Variants in SPATA7 observed in about 807,000 individuals in gnomAD.
SPATA7 encodes spermatogenesis-associated protein 7.
In SPATA7, 43 loss-of-function variants were observed where a neutral mutation model predicts 51.8. The ratio of observed to expected loss-of-function variants is 0.83; its 90% CI spans 0.65 to 1.07. The LOEUF (loss-of-function observed/expected upper bound fraction) is 1.07. Among genes scored for constraint, SPATA7 ranks in the 50% least tolerant of loss-of-function variants. The pLI is 0.00. For synonymous variants in SPATA7, 230 were observed against 252.8 expected (o/e 0.91, Z 0.86); for missense variants, 683 against 701.3 (o/e 0.97, Z 0.30).
At chr14:88,438,844 C>T (rs1288573194), downstream of SPATA7, among the ~76,000 whole-genome samples, 1 of 152,178 alleles carries the variant, frequency 6.6e-6, no homozygotes, top group Non-Finnish European at 1.5e-5. Flanking sequence ...TTAAGGATAT[C>T]AGGAAAACCA....
At chr14:88,392,737 T>C (rs749135703) in intron 2 of SPATA7, among the ~76,000 whole-genome samples, 12 of 152,180 alleles carry the variant, frequency 7.9e-5, no homozygotes, top group Non-Finnish European at 1.8e-4. Context: ...TCAAAAACTG[T>C]TTTTAATGTT....
At position 88,416,835 on chromosome 14, in the gene SPATA7, C is replaced by T. The variant is rs1595242679; in HGVS notation, c.363C>T (p.Thr121=). The change falls in exon 5 of 12, where the codon ACC becomes ACT. Residue 121 remains threonine (T), a synonymous_variant. Coordinates refer to ENST00000393545, the MANE Select transcript of SPATA7 (RefSeq NM_018418.5). ...YKNNSKSLFN[T]LQKPSGEPQI... ...ATAATTCCAAGTCACTTTTTAATAC[C>T]TTACAAAAGGTAAGATAGTATTTTT... is the stretch of plus-strand genomic sequence containing the variant. 6.3e-7 allele frequency: 1 copy of T among 1,591,264 alleles called. No individual in the cohort carries two copies. Among genetic ancestry groups the T allele is most frequent in the East Asian group, 2.2e-5 (1 of 44,664 alleles).
At chr14:88,450,088 A>G (rs1420184537) in intron 3 of SPATA7, among the ~76,000 whole-genome samples, 1 of 151,984 alleles carries the variant, frequency 6.6e-6, no homozygotes, top group Admixed American at 6.6e-5. Context: ...CATCTCCTCT[A>G]GGTTTTCTAG....
chr14:88,409,494 G>A (rs1188731791), intron 4 of SPATA7, among the ~76,000 whole-genome samples: 3 of 151,450 alleles, frequency 2.0e-5, no homozygotes, highest in Non-Finnish European at 4.4e-5. Context: ...TTCTTTATTA[G>A]TCTGGCTAGT....
intron 4 of SPATA7, among the ~76,000 whole-genome samples, chr14:88,398,478 G>A (rs956524021): frequency 1.7e-5 from 2 of 118,626 alleles, no homozygotes; most frequent in Non-Finnish European, 1.7e-5. Flanking sequence ...GGGGACTGTT[G>A]TGGGGTGGGG....
chr14:88,458,673 C>T (rs1000817623), downstream of SPATA7, among the ~76,000 whole-genome samples: 5 of 152,040 alleles, frequency 3.3e-5, no homozygotes, highest in Admixed American at 1.3e-4. Context: ...TTTCAAAAAA[C>T]GAGCCCCTGG....
At chr14:88,396,234 T>A (rs748863676) in intron 4 of SPATA7, 31 bp downstream of exon 4, 4 of 1,523,238 alleles carry the variant, frequency 2.6e-6, no homozygotes, top group South Asian at 1.1e-5. Context: ...ATTACCTTTT[T>A]AAAAAAAAAT....
intron 4 of SPATA7, chr14:88,468,172 G>T: frequency 6.2e-7 from 1 of 1,613,798 alleles, no homozygotes; most frequent in Non-Finnish European, 8.5e-7. Flanking sequence ...AACTGGATGA[G>T]GACTCTGTAC....
At chr14:88,436,643 G>A (rs754941726) in intron 10 of SPATA7, among the ~76,000 whole-genome samples, 1 of 151,998 alleles carries the variant, frequency 6.6e-6, no homozygotes, top group Non-Finnish European at 1.5e-5. Flanking sequence ...TTTGCATATG[G>A]GTATCCAGTT....
chr14:88,405,620 A>G (rs1167622951), intron 4 of SPATA7, among the ~76,000 whole-genome samples: 1 of 152,234 alleles, frequency 6.6e-6, no homozygotes, highest in Non-Finnish European at 1.5e-5. Context: ...GACTTCCAAG[A>G]CTTAGAACCT....
At chr14:88,399,249 C>A (rs964433728) in intron 4 of SPATA7, among the ~76,000 whole-genome samples, 4 of 151,926 alleles carry the variant, frequency 2.6e-5, no homozygotes, top group Non-Finnish European at 4.4e-5. Context: ...AAGTAACTAC[C>A]AGCTATAGGT....
Position 88,385,737 on chromosome 14 carries a change from C to T in SPATA7, c.-82C>T. ...CCGTCGGCTCCTCTTTTCCAGTCCT[C>T]CACTGCCGGGGCTGGGCCCGGCCGC... is the stretch of plus-strand genomic sequence containing the variant. On this transcript the variant is annotated 5_prime_UTR_variant, in exon 1 of 12. Coordinates refer to ENST00000393545, the MANE Select transcript of SPATA7 (RefSeq NM_018418.5). 7.2e-6 allele frequency: 10 copies of T among 1,383,756 alleles called. No homozygotes were observed. Among genetic ancestry groups the T allele is most frequent in the Non-Finnish European group, 8.1e-6 (8 of 989,322 alleles). 85.7% of individuals were successfully genotyped at this position (1,383,756 alleles called of 1,614,324 possible). A position where few individuals can be genotyped will look rare whatever the true frequency, so the allele number is the denominator to read the frequency against.
At chr14:88,395,574 A>C (rs1027658259) in intron 3 of SPATA7, among the ~76,000 whole-genome samples, 5 of 152,056 alleles carry the variant, frequency 3.3e-5, no homozygotes, top group Admixed American at 1.3e-4. Flanking sequence ...ATTTTGAGTT[A>C]GTTTTTGTAT....
chr14:88,388,522 G>A (rs188177381), intron 1 of SPATA7, among the ~76,000 whole-genome samples: 1 of 151,942 alleles, frequency 6.6e-6, no homozygotes, highest in East Asian at 1.9e-4. Context: ...AGTCCAGTCA[G>A]GAGATAGAAA....
At position 88,468,960 on chromosome 14, in the gene SPATA7, C is replaced by A. The variant is rs181544048; in HGVS notation, c.255-887C>A. 1 of 1,614,230 alleles carries A rather than the reference C, an allele frequency of 6.2e-7. No individual in the cohort carries two copies. Among genetic ancestry groups the A allele is most frequent in the Non-Finnish European group, 8.5e-7 (1 of 1,180,032 alleles). On this transcript the variant is annotated intron_variant, in intron 4 of 4. Transcript: ENST00000556406. ...GCGATCATGATCTCCGACAAAATCA[C>A]CACGCCAGTCCTTCCTACCCCAGCA... is the stretch of plus-strand genomic sequence containing the variant.
chr14:88,457,595 G>A (rs2077292330), downstream of SPATA7, among the ~76,000 whole-genome samples: 2 of 152,212 alleles, frequency 1.3e-5, no homozygotes, highest in Admixed American at 6.5e-5. Context: ...AGACTTTGCT[G>A]AAGTTGCTTA....
Position 88,469,005 on chromosome 14 carries a change from G to C in SPATA7, c.255-842G>C, listed in dbSNP as rs752940621. The C allele has an allele frequency of 6.2e-7, 1 of 1,614,172 alleles. No individual in the cohort carries two copies. Among genetic ancestry groups the C allele is most frequent in the Admixed American group, 1.7e-5 (1 of 60,020 alleles). On this transcript the variant is annotated intron_variant, in intron 4 of 4. Coordinates refer to the SPATA7 transcript ENST00000556406. The surrounding 1 kb of genome is among the most constrained non-coding windows in gnomAD (Gnocchi z 4.3). The stretch of plus-strand genomic sequence containing the variant: ...CCAGCACTGCAGTGGACCAACAACG[G>C]AGGGTTGGGGCTTTGGGGATCACTT...
chr14:88,413,496 G>A (rs1029252534), intron 4 of SPATA7, among the ~76,000 whole-genome samples: 1 of 152,152 alleles, frequency 6.6e-6, no homozygotes, highest in African/African-American at 2.4e-5. Flanking sequence ...TCAGGAAAGA[G>A]ATAATTTGAC....
intron 4 of SPATA7, among the ~76,000 whole-genome samples, chr14:88,404,455 G>A (rs1008024949): frequency 5.9e-5 from 9 of 152,096 alleles, no homozygotes; most frequent in African/African-American, 1.7e-4. Flanking sequence ...TGTGGCTCAC[G>A]CCTGTAATCC....
Sources: gnomAD v4.1 joint callset for allele counts (sites outside exome capture counted in the v4.1 genomes callset) on GRCh38, gnomAD v4.1.1 for gene constraint, Gnocchi (gnomAD v3.1) non-coding constraint, MANE v1.5 for transcripts, NCBI Gene and HGNC (gene_info 2026-07-23, HGNC 2026-07-21) for gene names.